CHD6: variants seen among roughly 807,000 people sequenced by gnomAD.
CHD6 encodes ATP-dependent chromatin remodeler CHD6.
Under a neutral mutation model 276.9 loss-of-function variants are expected in CHD6, and 50 were observed. The ratio of observed to expected loss-of-function variants is 0.18; its 90% CI spans 0.14 to 0.23. The LOEUF (loss-of-function observed/expected upper bound fraction) is 0.23. CHD6 is among the 10% of genes least tolerant of loss of function. The pLI is 1.00. For missense variants in CHD6, 2,564 were observed against 3,365.8 expected (o/e 0.76, Z 5.89); for synonymous variants, 1,173 against 1,229.3 (o/e 0.95, Z 0.96).
Position 41,443,357 on chromosome 20 carries a change from C to T in CHD6, c.3877+2308G>A, listed in dbSNP as rs559378449. 6.6e-5 allele frequency among the ~76,000 whole-genome samples: 10 copies of T among 152,304 alleles called. 1 individual carries two copies. Among genetic ancestry groups the T allele is most frequent in the African/African-American group, 2.4e-4 (10 of 41,570 alleles). ...ATTAGGAAACTAGAAGGTAGGGCAC[C>T]AATAATAACCTGTCTTTTCCAGGTG... On this transcript the variant is annotated intron_variant, in intron 25 of 36. Coordinates refer to ENST00000373233, the MANE Select transcript of CHD6 (RefSeq NM_032221.5).
At chr20:41,617,738 G>A (rs1379754622) in intron 1 of CHD6, among the ~76,000 whole-genome samples, 1 of 152,070 alleles carries the variant, frequency 6.6e-6, no homozygotes, top group East Asian at 1.9e-4. Context: ...CGTAAGAAGG[G>A]GGCGGAGGGG....
At chr20:41,568,153 T>C (rs913503584) in intron 1 of CHD6, among the ~76,000 whole-genome samples, 2 of 152,180 alleles carry the variant, frequency 1.3e-5, no homozygotes, top group African/African-American at 2.4e-5. Flanking sequence ...ACAAGATAGA[T>C]AGATACTTCA....
chr20:41,453,271 G>T (rs6016560), intron 20 of CHD6, among the ~76,000 whole-genome samples: 1 of 152,030 alleles, frequency 6.6e-6, no homozygotes, highest in Non-Finnish European at 1.5e-5. Flanking sequence ...AAGAAAGACT[G>T]GAGTAGTGAA....
At position 41,403,361 on chromosome 20, in the gene CHD6, AG is replaced by A; in HGVS notation, c.*1231del. 1 of 1,062,730 alleles carries A rather than the reference AG, an allele frequency of 9.4e-7. No homozygotes were observed. The highest frequency in any genetic ancestry group is 1.1e-6 in the Non-Finnish European group (1 of 877,408). 65.8% of individuals were successfully genotyped at this position (1,062,730 alleles called of 1,614,324 possible). A position where few individuals can be genotyped will look rare whatever the true frequency, so the allele number is the denominator to read the frequency against. On this transcript the variant is annotated 3_prime_UTR_variant, in exon 37 of 37. Coordinates refer to ENST00000373233, the MANE Select transcript of CHD6 (RefSeq NM_032221.5). The stretch of plus-strand genomic sequence containing the variant: ...GAAGGGACGTTAACATGAAGGTGAA[AG>A]GACATGGGGAAGTGCTGCTTAGGCA...
intron 13 of CHD6, 30 bp downstream of exon 13, chr20:41,488,396 CTG>C (rs1224646970): frequency 1.9e-6 from 3 of 1,570,670 alleles, no homozygotes; most frequent in Non-Finnish European, 8.6e-7. Context: ...CAAAAGGAAC[CTG>C]TGTTTATGTA....
chr20:41,480,026 T>A (rs1014718715), intron 16 of CHD6, among the ~76,000 whole-genome samples: 26 of 152,172 alleles, frequency 1.7e-4, no homozygotes, highest in African/African-American at 6.3e-4. Context: ...ACCTAGAATC[T>A]CAAATCCTGC....
chr20:41,470,438 A>G (rs1479758167), intron 17 of CHD6, among the ~76,000 whole-genome samples: 1 of 149,970 alleles, frequency 6.7e-6, no homozygotes, highest in Admixed American at 6.6e-5. Context: ...CTCCTTACGA[A>G]CTCCCACCCT....
At chr20:41,458,004 T>C (rs767197169) in intron 17 of CHD6, among the ~76,000 whole-genome samples, 10 of 152,076 alleles carry the variant, frequency 6.6e-5, no homozygotes, top group Non-Finnish European at 1.3e-4. Context: ...GTAAAATATA[T>C]ATTATTATCA....
intron 27 of CHD6, among the ~76,000 whole-genome samples, chr20:41,434,099 G>A (rs2047627608): frequency 6.6e-6 from 1 of 152,130 alleles, no homozygotes; most frequent in South Asian, 2.1e-4. Flanking sequence ...TAAATGGTCT[G>A]AATAATATCA....
intron 27 of CHD6, among the ~76,000 whole-genome samples, chr20:41,433,399 G>A (rs1379771916): frequency 6.6e-5 from 10 of 152,162 alleles, no homozygotes; most frequent in Non-Finnish European, 1.5e-5. Context: ...GGGAAAAACT[G>A]CTTGAATGAC....
chr20:41,607,373 G>A (rs940800636), intron 1 of CHD6, among the ~76,000 whole-genome samples: 2 of 152,214 alleles, frequency 1.3e-5, no homozygotes, highest in African/African-American at 4.8e-5. Flanking sequence ...TGTAGTGGCA[G>A]TTTACCTTTC....
chr20:41,530,876 C>G (rs2044668225), intron 3 of CHD6, among the ~76,000 whole-genome samples: 1 of 152,206 alleles, frequency 6.6e-6, no homozygotes. Flanking sequence ...TCAAAAGGTT[C>G]TGCTGTCTTC....
At chr20:41,523,655 T>TG (rs1417806444) in intron 3 of CHD6, among the ~76,000 whole-genome samples, 4 of 152,066 alleles carry the variant, frequency 2.6e-5, no homozygotes, top group African/African-American at 9.6e-5. Context: ...TTTTTGTTTT[T>TG]TTTTTTGCTT....
chr20:41,484,561 A>G lies in CHD6; in HGVS notation c.2048T>C (p.Leu683Pro). The G allele has an allele frequency of 6.2e-7, 1 of 1,613,828 alleles. No homozygotes were observed. The highest frequency in any genetic ancestry group is 8.5e-7 in the Non-Finnish European group (1 of 1,179,848). Residue 683 changes from leucine to proline, a missense_variant, in exon 15 of 37, where the codon CTG becomes CCG. Coordinates refer to ENST00000373233, the MANE Select transcript of CHD6 (RefSeq NM_032221.5). ...AAGGTTCTTTTCCACATCATCTTTC[A>G]GCCGCCGAAGCATCATTGGTTTTAG... The part of the protein sequence containing the change: ...SILKPMMLRR[L>P]KDDVEKNLAP...
chr20:41,423,618 C>A lies in CHD6; in HGVS notation c.4429G>T (p.Asp1477Tyr). ...GAAATGATGCGGAACTGTGTCCAGT[C>A]AAAGGTTTTCTTTTCTTGATCGTAA... ...VVYDQEKKTF[D>Y]WTQFRIISRL... Residue 1477 changes from aspartate (D) to tyrosine (Y), a missense_variant, in exon 30 of 37, where the codon GAC (aspartate) becomes TAC (tyrosine). Coordinates refer to ENST00000373233, the MANE Select transcript of CHD6 (RefSeq NM_032221.5). 6.2e-7 allele frequency: 1 copy of A among 1,614,180 alleles called. No homozygotes were observed. Among genetic ancestry groups the A allele is most frequent in the Non-Finnish European group, 8.5e-7 (1 of 1,180,026 alleles).
chr20:41,481,691 C>T (rs1266469088), intron 16 of CHD6, among the ~76,000 whole-genome samples: 1 of 151,836 alleles, frequency 6.6e-6, no homozygotes, highest in Admixed American at 6.6e-5. Flanking sequence ...GACATTTATC[C>T]TAAAGAAATA....
intron 10 of CHD6, 98 bp from the exon 11 acceptor site, chr20:41,491,917 G>T: frequency 7.3e-7 from 1 of 1,370,078 alleles, no homozygotes; most frequent in Non-Finnish European, 1.0e-6. Context: ...ACTGTCCCAA[G>T]GCTGGTTTCA....
At chr20:41,457,496 GGGA>G (rs2048412430) in intron 17 of CHD6, 68 bp from the exon 18 acceptor site, 49 of 1,541,748 alleles carry the variant, frequency 3.2e-5, no homozygotes, top group Non-Finnish European at 4.2e-5. Context: ...CTGGGAATAG[GGGA>G]GTGCTTAAAT....
rs761710091 is a variant in CHD6, at chr20:41,512,823, G to A, written c.852+23C>T. On this transcript the variant is annotated intron_variant, in intron 5 of 36. Coordinates refer to ENST00000373233, the MANE Select transcript of CHD6 (RefSeq NM_032221.5). ...CAAAATGACTGTCCAGCCAAGGTCA[G>A]TAACCTCATGCAAAGGCCATACCTC... 5.6e-6 allele frequency: 9 copies of A among 1,613,664 alleles called. No individual in the cohort carries two copies. In the Middle Eastern group the frequency reaches 1.2e-3, roughly 208 times the overall value.
Sources: allele counts gnomAD v4.1 joint callset (sites outside exome capture counted in the v4.1 genomes callset), GRCh38; gene constraint gnomAD v4.1.1; transcripts MANE v1.5; gene names NCBI Gene and HGNC (gene_info 2026-07-23, HGNC 2026-07-21).